The following LRP1 variants were observed in gnomAD, a reference collection of about 807,000 sequenced individuals.
LRP1 encodes the protein prolow-density lipoprotein receptor-related protein 1.
LRP1 carries 51 observed loss-of-function variants against 541.5 expected under a neutral mutation model. The ratio of observed to expected loss-of-function variants is 0.09; its 90% CI spans 0.08 to 0.12. The LOEUF (loss-of-function observed/expected upper bound fraction) is 0.12, where lower values mean the gene tolerates loss of function less well. Ranked by LOEUF, LRP1 falls within the 10% of genes least tolerant of loss-of-function variation. The pLI is 1.00. For missense variants in LRP1, 3,878 were observed against 6,376.2 expected, an observed-to-expected ratio of 0.61 and a Z score of 13.34; for synonymous variants, 2,219 against 2,470.8, an observed-to-expected ratio of 0.90 and a Z score of 3.02.
intron 64 of LRP1, 23 bp downstream of exon 64, chr12:57,200,838 T>TTCCC: frequency 1.1e-5 from 7 of 630,250 alleles, no homozygotes; most frequent in Admixed American, 2.9e-5. Context: ...CCGCCCACCC[T>TTCCC]CCCTCCTTCC....
rs915857228 is a variant in LRP1 at position 57,195,406 on chromosome 12, G to T, written c.8437+7G>T. ...AGCATCGCAGCTGGTTGCTGTGAGT[G>T]GCGGGGCCACGTGGAGCGGGTGGAC... On this transcript the variant is annotated splice_region_variant and intron_variant, in intron 52 of 88. Transcript: ENST00000243077. 2 of 1,603,420 alleles carry T rather than the reference G, an allele frequency of 1.2e-6. No individual in the cohort carries two copies. The highest frequency in any genetic ancestry group is 2.7e-5 in the African/African-American group (2 of 74,920).
At chr12:57,180,501 A>C in intron 32 of LRP1, 22 bp downstream of exon 32, 3 of 1,613,446 alleles carry the variant, frequency 1.9e-6, no homozygotes, top group Non-Finnish European at 2.5e-6. Flanking sequence ...TGGGCGAAGC[A>C]GAGATGACGC....
Position 57,212,319 on chromosome 12 carries a change from G to A in LRP1, c.13494+58G>A. 5 of 1,613,092 alleles carry A rather than the reference G, an allele frequency of 3.1e-6. No individual in the cohort carries two copies. The highest frequency in any genetic ancestry group is 1.3e-5 in the African/African-American group (1 of 75,018). ...AGAGGCCGTGGGTGGCCTAACCAAA[G>A]GTGTTGGGTTAGGTGAGGGACGGAG... On this transcript the variant is annotated intron_variant, in intron 88 of 88. Transcript: ENST00000243077. This position sits in a 1 kb window ranked among gnomAD's most constrained non-coding sequence, Gnocchi z 5.0.
Position 57,204,717 on chromosome 12 carries a change from A to G in LRP1, c.11162A>G (p.Asn3721Ser). 1.2e-6 allele frequency: 2 copies of G among 1,614,044 alleles called. No homozygotes were observed. Among genetic ancestry groups the G allele is most frequent in the Non-Finnish European group, 8.5e-7 (1 of 1,180,014 alleles). ...GGGCGCCAATGCGATGGCACGGACA[A>G]CTGTGGGGATGGGACTGATGAAGAG... ...WIGRQCDGTDNCGDGTDEEDC... is the reference protein window; with the variant it reads ...WIGRQCDGTDSCGDGTDEEDC... Residue 3721 changes from asparagine (N) to serine (S), a missense_variant, in exon 72 of 89, where the codon AAC becomes AGC. Transcript: ENST00000243077. This position sits in a 1 kb window ranked among gnomAD's most constrained non-coding sequence, Gnocchi z 5.3.
chr12:57,205,014 A>G lies in LRP1; in HGVS notation c.11195-95A>G. On this transcript the variant is annotated intron_variant, in intron 72 of 88. Transcript: ENST00000243077. The surrounding 1 kb of genome is among the most constrained non-coding windows in gnomAD (Gnocchi z 4.6). ...ACCTGCTCCCCCTGCAAGCCTTGTCACTTAGGAATTGGGAGCCACTGTTAT... is the reference window on the plus strand; with the variant it reads ...ACCTGCTCCCCCTGCAAGCCTTGTCGCTTAGGAATTGGGAGCCACTGTTAT... 1 of 1,509,118 alleles carries G rather than the reference A, an allele frequency of 6.6e-7. No individual in the cohort carries two copies. Among genetic ancestry groups the G allele is most frequent in the Non-Finnish European group, 8.9e-7 (1 of 1,120,356 alleles). The allele number at this position is 1,509,118 out of a possible 1,614,324, so 93.5% of individuals were successfully genotyped here.
At chr12:57,192,285 C>T (rs536188900) in intron 44 of LRP1, among the ~76,000 whole-genome samples, 2 of 152,118 alleles carry the variant, frequency 1.3e-5, no homozygotes, top group Non-Finnish European at 2.9e-5. Context: ...AAGGCATCTA[C>T]GCACACAGAT....
chr12:57,158,730 C>T lies in LRP1; in HGVS notation c.1798+92C>T. The T allele has an allele frequency of 8.6e-7, 1 of 1,166,476 alleles. No homozygotes were observed. Among genetic ancestry groups the T allele is most frequent in the East Asian group, 2.3e-5 (1 of 42,678 alleles). 72.3% of individuals were successfully genotyped at this position (1,166,476 alleles called of 1,614,324 possible). Reference sequence around the variant, plus strand: ...GGTGCCCTCTCAGCAGGATGGTCCCCTGCTGACTGGCTGGCTGCACTGGTT... The same window carrying T: ...GGTGCCCTCTCAGCAGGATGGTCCCTTGCTGACTGGCTGGCTGCACTGGTT... On this transcript the variant is annotated intron_variant, in intron 11 of 88. Coordinates refer to ENST00000243077, the MANE Select transcript of LRP1 (RefSeq NM_002332.3). This position sits in a 1 kb window ranked among gnomAD's most constrained non-coding sequence, Gnocchi z 5.3.
chr12:57,158,406 G>A lies in LRP1; in HGVS notation c.1566G>A (p.Pro522=), dbSNP rs367966721. 4.2e-5 allele frequency: 68 copies of A among 1,605,810 alleles called. No homozygotes were observed. Among genetic ancestry groups the A allele is most frequent in the South Asian group, 1.9e-4 (17 of 90,544 alleles). The part of the protein sequence containing the change: ...LGSDGKSCKK[P]EHELFLVYGK... ...CCTGGCTTGTGCCTGCTCTAGAGCC[G>A]GAGCATGAGCTGTTCCTCGTGTATG... The change falls in exon 11 of 89, where the codon CCG becomes CCA. Residue 522 remains proline (P), a synonymous_variant. Coordinates refer to ENST00000243077, the MANE Select transcript of LRP1 (RefSeq NM_002332.3). This position sits in a 1 kb window ranked among gnomAD's most constrained non-coding sequence, Gnocchi z 5.3.
At chr12:57,192,810 C>T in intron 44 of LRP1, 35 bp from the exon 45 acceptor site, 1 of 1,613,660 alleles carries the variant, frequency 6.2e-7, no homozygotes, top group Non-Finnish European at 8.5e-7. Flanking sequence ...GCAGAGAACA[C>T]TCTCCAGCCC....
Position 57,203,635 on chromosome 12 carries a change from T to C in LRP1, c.10951+114T>C, listed in dbSNP as rs553826485. 13 of 1,311,136 alleles carry C rather than the reference T, an allele frequency of 9.9e-6. No homozygotes were observed. The South Asian group carries it at 1.7e-4, about 17-fold the overall frequency. The allele number at this position is 1,311,136 out of a possible 1,614,324, so 81.2% of individuals were successfully genotyped here. A position where few individuals can be genotyped will look rare whatever the true frequency, so the allele number is the denominator to read the frequency against. ...GTATTCATTCTTCATGCAACAAATA[T>C]TTATTAAGCATTTACCATGTACCAG... On this transcript the variant is annotated intron_variant, in intron 70 of 88. Coordinates refer to ENST00000243077, the MANE Select transcript of LRP1 (RefSeq NM_002332.3).
In LRP1 at chr12:57,208,799, A is replaced by C. The variant is rs762976274; in HGVS notation, c.12127A>C (p.Asn4043His). 6.2e-7 allele frequency: 1 copy of C among 1,613,982 alleles called. No homozygotes were observed. The highest frequency in any genetic ancestry group is 1.1e-5 in the South Asian group (1 of 91,084). The stretch of plus-strand genomic sequence containing the variant: ...GCTTCGGGAGACACTGGTGCAGGAC[A>C]ACATTCAGTGGCCCACAGGTTTGTG... ...GTLRETLVQD[N>H]IQWPTGLAVD... The change falls in exon 78 of 89, where the codon AAC becomes CAC. Residue 4043 changes from asparagine (N) to histidine (H), a missense_variant. Transcript: ENST00000243077.
rs1179591001 is a variant in LRP1 at position 57,173,406 on chromosome 12, C to T, written c.3346+56C>T. On this transcript the variant is annotated intron_variant, in intron 21 of 88. Transcript: ENST00000243077. This position sits in a 1 kb window ranked among gnomAD's most constrained non-coding sequence, Gnocchi z 4.7. The stretch of plus-strand genomic sequence containing the variant: ...CAGCACAATGTGGGCAGGAGGAGAC[C>T]GTGTTGAGAGCAGAGTAGCGGCAAA... 3.8e-6 allele frequency: 6 copies of T among 1,559,596 alleles called. No homozygotes were observed. The highest frequency in any genetic ancestry group is 5.3e-6 in the Non-Finnish European group (6 of 1,141,508).
chr12:57,206,803 A>G lies in LRP1; in HGVS notation c.11859+62A>G. On this transcript the variant is annotated intron_variant, in intron 76 of 88. Coordinates refer to ENST00000243077, the MANE Select transcript of LRP1 (RefSeq NM_002332.3). The surrounding 1 kb of genome is among the most constrained non-coding windows in gnomAD (Gnocchi z 4.7). The stretch of plus-strand genomic sequence containing the variant: ...CTCCATAGAGCAGGCGGTTCAGAGC[A>G]GGATTTGAAAAGGGCAGTGCTGGCT... The G allele has an allele frequency of 1.3e-6, 2 of 1,572,986 alleles. No individual in the cohort carries two copies. Among genetic ancestry groups the G allele is most frequent in the Non-Finnish European group, 1.7e-6 (2 of 1,161,018 alleles).
Position 57,198,588 on chromosome 12 carries a change from T to C in LRP1, c.9594T>C (p.Tyr3198=). The part of the protein sequence containing the change: ...ITWPNGLTLD[Y]VTERIYWADA... Reference sequence around the variant, plus strand: ...GGCCCAATGGCCTGACGCTGGACTATGTCACTGAGCGCATCTACTGGGCCG... The same window carrying C: ...GGCCCAATGGCCTGACGCTGGACTACGTCACTGAGCGCATCTACTGGGCCG... Residue 3198 remains tyrosine, a synonymous_variant, in exon 60 of 89, where the codon TAT becomes TAC. Transcript: ENST00000243077. 6.2e-7 allele frequency: 1 copy of C among 1,613,950 alleles called. No individual in the cohort carries two copies. Among genetic ancestry groups the C allele is most frequent in the Admixed American group, 1.7e-5 (1 of 60,012 alleles).
At position 57,143,530 on chromosome 12, in the gene LRP1, G is replaced by A. The variant is rs1321522551; in HGVS notation, c.329-149G>A. On this transcript the variant is annotated intron_variant, in intron 3 of 88. Transcript: ENST00000243077. ...TCAGTTTCTTCACTTGTGAAATATG[G>A]TAGATGCTTCCTAAGGCCCTTCTGT... 2.3e-5 allele frequency: 21 copies of A among 918,184 alleles called. No homozygotes were observed. The African/African-American group carries it at 3.5e-4, about 15-fold the overall frequency. 56.9% of individuals were successfully genotyped at this position (918,184 alleles called of 1,614,324 possible).
rs530722337 is a variant in LRP1 at position 57,165,739 on chromosome 12, A to G, written c.2531-66A>G. 7.3e-6 allele frequency: 11 copies of G among 1,515,048 alleles called. No individual in the cohort carries two copies. In the East Asian group the frequency reaches 2.1e-4, roughly 28 times the overall value. The allele number at this position is 1,515,048 out of a possible 1,614,324, so 93.9% of individuals were successfully genotyped here. A position where few individuals can be genotyped will look rare whatever the true frequency, so the allele number is the denominator to read the frequency against. On this transcript the variant is annotated intron_variant, in intron 15 of 88. Transcript: ENST00000243077. This position sits in a 1 kb window ranked among gnomAD's most constrained non-coding sequence, Gnocchi z 4.5. ...AGTAAAACAAACAAAAATGGTGCAA[A>G]GGGCTTAGTACTTGTCCCACGACCG...
rs1555180325 is a variant in LRP1, at chr12:57,141,430, G to A, written c.247G>A (p.Glu83Lys). ...QPNEHNCLGT[E>K]LCVPMSRLCN... ...AAACGAGCATAACTGCCTGGGTACTGAGCTGTGTGTTCCCATGTCCCGCCT... is the reference window on the plus strand; with the variant it reads ...AAACGAGCATAACTGCCTGGGTACTAAGCTGTGTGTTCCCATGTCCCGCCT... The change falls in exon 3 of 89, where the codon GAG becomes AAG. Residue 83 changes from glutamate to lysine, a missense_variant. By Grantham distance (56) the Glu-to-Lys change is moderately conservative (BLOSUM62 1). Transcript: ENST00000243077. 1 of 1,614,166 alleles carries A rather than the reference G, an allele frequency of 6.2e-7. No homozygotes were observed. The highest frequency in any genetic ancestry group is 1.1e-5 in the South Asian group (1 of 91,082).
In LRP1 at chr12:57,184,275, G is replaced by A. The variant is rs773128497; in HGVS notation, c.6060-51G>A. On this transcript the variant is annotated intron_variant, in intron 37 of 88. Transcript: ENST00000243077. The surrounding 1 kb of genome is among the most constrained non-coding windows in gnomAD (Gnocchi z 7.8). ...CCATGGCCCATGCTGATGAGGCCCT[G>A]TCTCCTCCAGGGTCTGAGGACTGAC... The A allele has an allele frequency of 4.3e-6, 7 of 1,613,788 alleles. No homozygotes were observed. The highest frequency in any genetic ancestry group is 5.9e-6 in the Non-Finnish European group (7 of 1,179,808).
At chr12:57,129,288 A>C (rs2034987378) in intron 1 of LRP1, among the ~76,000 whole-genome samples, 1 of 151,544 alleles carries the variant, frequency 6.6e-6, no homozygotes, top group South Asian at 2.1e-4. Flanking sequence ...AGGGCTCCCC[A>C]TTTTTCTGAT....
Sources: allele counts gnomAD v4.1 joint callset (sites outside exome capture counted in the v4.1 genomes callset), GRCh38; gene constraint gnomAD v4.1.1; non-coding constraint Gnocchi (gnomAD v3.1); transcripts MANE v1.5; gene names NCBI Gene and HGNC (gene_info 2026-07-23, HGNC 2026-07-21).